GNA12: variants seen among roughly 807,000 people sequenced by gnomAD.
GNA12 encodes the protein guanine nucleotide-binding protein subunit alpha-12.
GNA12 carries 9 observed loss-of-function variants against 26.0 expected under a neutral mutation model. That is an observed-to-expected ratio of 0.35 (90% CI 0.21 to 0.60). GNA12 has a LOEUF of 0.60. Among genes scored for constraint, GNA12 ranks in the 20% least tolerant of loss-of-function variants. The pLI is 0.78. For missense variants in GNA12, 405 were observed against 525.8 expected (o/e 0.77, Z 2.25); for synonymous variants, 264 against 219.6 (o/e 1.20, Z -1.79).
intron 2 of GNA12, among the ~76,000 whole-genome samples, chr7:2,760,012 C>T (rs967678600): frequency 3.9e-5 from 6 of 152,218 alleles, no homozygotes; most frequent in African/African-American, 1.4e-4. Flanking sequence ...GACAGGAACA[C>T]TCAGTTTTAA....
At chr7:2,839,025 A>G (rs1778916063) in intron 1 of GNA12, among the ~76,000 whole-genome samples, 1 of 152,230 alleles carries the variant, frequency 6.6e-6, no homozygotes, top group African/African-American at 2.4e-5. Context: ...GATCTGACAC[A>G]TGTAGAACAT....
At chr7:2,809,600 C>T (rs1446322887) in intron 1 of GNA12, among the ~76,000 whole-genome samples, 4 of 152,058 alleles carry the variant, frequency 2.6e-5, no homozygotes, top group Non-Finnish European at 2.9e-5. Flanking sequence ...ATTAAAAAGC[C>T]GGCTACTCTG....
At chr7:2,755,027 GA>G (rs1351832774) in intron 2 of GNA12, among the ~76,000 whole-genome samples, 1 of 152,182 alleles carries the variant, frequency 6.6e-6, no homozygotes, top group Admixed American at 6.5e-5. Flanking sequence ...ACCCTTTGTT[GA>G]AAAGGCTCTC....
chr7:2,815,161 G>C (rs752270651), intron 1 of GNA12: 7 of 592,586 alleles, frequency 1.2e-5, no homozygotes, highest in African/African-American at 1.9e-5. Flanking sequence ...AAAGCAAGTG[G>C]ACAGGAACAT....
intron 1 of GNA12, 144 bp downstream of exon 1, chr7:2,843,709 G>A: frequency 2.3e-6 from 1 of 432,660 alleles, no homozygotes; most frequent in Middle Eastern, 6.2e-4. Flanking sequence ...TGGGTCGGGG[G>A]GGAGTGGGGT....
chr7:2,793,001 G>A (rs1792558742), intron 2 of GNA12, among the ~76,000 whole-genome samples: 1 of 152,218 alleles, frequency 6.6e-6, no homozygotes, highest in Admixed American at 6.5e-5. Flanking sequence ...ACCAGCCACT[G>A]GACAATATCA....
intron 2 of GNA12, among the ~76,000 whole-genome samples, chr7:2,748,928 C>T (rs1450135572): frequency 6.6e-6 from 1 of 152,188 alleles, no homozygotes; most frequent in Non-Finnish European, 1.5e-5. Context: ...CATCACTGGC[C>T]ATCAGAGAAA....
chr7:2,843,901 C>G lies in GNA12; in HGVS notation c.261G>C (p.Gln87His), dbSNP rs1257817344. The G allele has an allele frequency of 6.3e-7, 1 of 1,577,308 alleles. No homozygotes were observed. The highest frequency in any genetic ancestry group is 8.6e-7 in the Non-Finnish European group (1 of 1,163,470). ...MRIIHGREFD[Q>H]KALLEFRDTI... ...TGTCGCGGAACTCCAGCAGCGCCTT[C>G]TGGTCGAACTCGCGGCCGTGGATGA... The change falls in exon 1 of 4, where the codon CAG becomes CAC. Residue 87 changes from glutamine to histidine, a missense_variant. By Grantham distance (24) the Gln-to-His change is conservative. Coordinates refer to ENST00000275364, the MANE Select transcript of GNA12 (RefSeq NM_007353.3).
At chr7:2,813,563 G>C (rs1793137288) in intron 1 of GNA12, among the ~76,000 whole-genome samples, 1 of 152,246 alleles carries the variant, frequency 6.6e-6, no homozygotes, top group African/African-American at 2.4e-5. Flanking sequence ...CATTCCGGGA[G>C]AGCTCTCAGG....
rs183021099 is a variant in GNA12, at chr7:2,792,376, G to T, written c.525+2552C>A. Among the ~76,000 whole-genome samples the T allele has an allele frequency of 8.5e-5, 13 of 152,306 alleles. No homozygotes were observed. The East Asian group carries it at 2.5e-3, about 29-fold the overall frequency. ...TTACTTCCATGTCGTGACAATACAA[G>T]GGCTTGACTTCCTAAATTGGGAGGT... On this transcript the variant is annotated intron_variant, in intron 2 of 3. Coordinates refer to ENST00000275364, the MANE Select transcript of GNA12 (RefSeq NM_007353.3).
chr7:2,791,430 C>T (rs1583285287), intron 2 of GNA12, among the ~76,000 whole-genome samples: 1 of 152,170 alleles, frequency 6.6e-6, no homozygotes, highest in African/African-American at 2.4e-5. Flanking sequence ...CCACCCTGCT[C>T]CTCTCAGAGG....
At chr7:2,831,210 A>G (rs1333675532) in intron 1 of GNA12, among the ~76,000 whole-genome samples, 1 of 151,794 alleles carries the variant, frequency 6.6e-6, no homozygotes, top group Non-Finnish European at 1.5e-5. Flanking sequence ...AGTACTGATA[A>G]GAAAGTAAAT....
intron 2 of GNA12, among the ~76,000 whole-genome samples, chr7:2,778,937 G>A (rs983340381): frequency 6.6e-6 from 1 of 152,186 alleles, no homozygotes; most frequent in Admixed American, 6.5e-5. Flanking sequence ...TTCAGATTAA[G>A]GGTACGTTAT....
chr7:2,844,069 G>C lies in GNA12; in HGVS notation c.93C>G (p.Asp31Glu). 1 of 1,124,446 alleles carries C rather than the reference G, an allele frequency of 8.9e-7. No individual in the cohort carries two copies. Among genetic ancestry groups the C allele is most frequent in the Non-Finnish European group, 1.1e-6 (1 of 921,832 alleles). The allele number at this position is 1,124,446 out of a possible 1,614,324, so 69.7% of individuals were successfully genotyped here. Residue 31 changes from aspartate (D) to glutamate (E), a missense_variant, in exon 1 of 4, where the codon GAC becomes GAG. Asp to Glu is a conservative substitution (Grantham distance 45). Coordinates refer to ENST00000275364, the MANE Select transcript of GNA12 (RefSeq NM_007353.3). ...RERRAGSGAR[D>E]AEREARRRSR... is the part of the protein sequence containing the mutation. ...TACGCCTCCGGGCCTCGCGCTCCGC[G>C]TCGCGCGCGCCGCTGCCCGCCCTGC...
chr7:2,825,065 T>C (rs1793453210), intron 1 of GNA12, among the ~76,000 whole-genome samples: 1 of 152,156 alleles, frequency 6.6e-6, no homozygotes, highest in Non-Finnish European at 1.5e-5. Flanking sequence ...CAAGACTCCA[T>C]GACCATCTCT....
intron 2 of GNA12, among the ~76,000 whole-genome samples, chr7:2,761,200 G>C (rs1791537772): frequency 6.6e-6 from 1 of 152,058 alleles, no homozygotes; most frequent in Admixed American, 6.5e-5. Flanking sequence ...GCGCAAACAA[G>C]CTCCCAGCAC....
intron 2 of GNA12, among the ~76,000 whole-genome samples, chr7:2,733,796 T>A (rs1790022058): frequency 6.6e-6 from 1 of 152,200 alleles, no homozygotes; most frequent in Admixed American, 6.5e-5. Flanking sequence ...GATGGGGGAC[T>A]CTCTTTCCAG....
intron 1 of GNA12, among the ~76,000 whole-genome samples, chr7:2,819,731 C>G (rs1274518711): frequency 6.6e-6 from 1 of 152,126 alleles, no homozygotes; most frequent in Non-Finnish European, 1.5e-5. Flanking sequence ...GGCTGGAATT[C>G]AAAGGACAGA....
intron 2 of GNA12, among the ~76,000 whole-genome samples, chr7:2,737,187 A>G (rs779826944): frequency 1.4e-4 from 21 of 151,998 alleles, no homozygotes; most frequent in Non-Finnish European, 2.8e-4. Flanking sequence ...CAAAGAAAAC[A>G]AACACCAACT....
Sources: allele counts gnomAD v4.1 joint callset (sites outside exome capture counted in the v4.1 genomes callset), GRCh38; gene constraint gnomAD v4.1.1; transcripts MANE v1.5; gene names NCBI Gene and HGNC (gene_info 2026-07-23, HGNC 2026-07-21).